NREP: variants seen among roughly 807,000 people sequenced by gnomAD.
The protein encoded by NREP is neuronal regeneration related protein, also known as neuronal regeneration-related protein.
In NREP, 5 loss-of-function variants were observed where a neutral mutation model predicts 8.6. That is an observed-to-expected ratio of 0.58 (90% confidence interval 0.30 to 1.22). NREP has a LOEUF of 1.22. NREP is among the 50% of genes most tolerant of loss of function. The probability of loss-of-function intolerance (pLI) is 0.07; values close to 1 mark genes in which losing one functional copy is unlikely to be tolerated. For missense variants in NREP, 86 were observed against 82.5 expected (o/e 1.04, Z -0.17); for synonymous variants, 27 against 28.0 (o/e 0.96, Z 0.11).
Position 111,964,855 on chromosome 5 carries a change from C to CAAAAAAAAAAAAAAAAAA in NREP, c.135+10401_135+10418dup, listed in dbSNP as rs58877839. Among the ~76,000 whole-genome samples the CAAAAAAAAAAAAAAAAAA allele has an allele frequency of 5.1e-4, 23 of 44,886 alleles. 4 individuals carry two copies. Among genetic ancestry groups the CAAAAAAAAAAAAAAAAAA allele is most frequent in the African/African-American group, 8.9e-4 (14 of 15,740 alleles). The allele number at this position is 44,886 out of a possible 152,430, so 29.4% of individuals were successfully genotyped here. A position where few individuals can be genotyped will look rare whatever the true frequency, so the allele number is the denominator to read the frequency against. On this transcript the variant is annotated intron_variant, in intron 2 of 3. Coordinates refer to the NREP transcript ENST00000395634. ...AGTCTACTTAGAATGCTTTCAGCAG[C>CAAAAAAAAAAAAAAAAAA]AAAAAAAAAAAAAAAAAAAAAAAAA... is the stretch of plus-strand genomic sequence containing the variant.
chr5:111,743,954 C>T (rs116725104), intron 2 of NREP, among the ~76,000 whole-genome samples: 8 of 152,060 alleles, frequency 5.3e-5, no homozygotes, highest in African/African-American at 1.7e-4. Context: ...TTCAAAAATA[C>T]GATTTCTTTT....
intron 2 of NREP, among the ~76,000 whole-genome samples, chr5:111,776,719 G>C (rs1199338883): frequency 6.6e-6 from 1 of 152,134 alleles, no homozygotes; most frequent in South Asian, 2.1e-4. Flanking sequence ...AGATACAAAT[G>C]TGGTTTCATT....
chr5:111,915,498 G>A (rs1755031954), intron 2 of NREP, among the ~76,000 whole-genome samples: 1 of 151,898 alleles, frequency 6.6e-6, no homozygotes. Flanking sequence ...GCATACTCTT[G>A]GAAACCGGAA....
intron 2 of NREP, among the ~76,000 whole-genome samples, chr5:111,933,356 G>T (rs115384606): frequency 4.1e-4 from 62 of 152,096 alleles, no homozygotes; most frequent in African/African-American, 1.5e-3. Context: ...CTGTCATTTA[G>T]GTATTTGTTA....
chr5:111,817,393 C>G (rs1463182832), intron 2 of NREP, among the ~76,000 whole-genome samples: 1 of 152,264 alleles, frequency 6.6e-6, no homozygotes, highest in East Asian at 1.9e-4. Flanking sequence ...AATTTTGATG[C>G]ATGCTGTAAG....
At chr5:111,929,179 CTT>C (rs1420369840) in intron 2 of NREP, among the ~76,000 whole-genome samples, 1 of 152,080 alleles carries the variant, frequency 6.6e-6, no homozygotes. Flanking sequence ...AGAAGCTTAA[CTT>C]TTTACGGGGC....
chr5:111,907,664 T>G (rs966615753), intron 2 of NREP, among the ~76,000 whole-genome samples: 3 of 152,106 alleles, frequency 2.0e-5, no homozygotes, highest in Non-Finnish European at 4.4e-5. Context: ...AACTTTTACT[T>G]CTATTTCTTA....
At chr5:111,759,755 T>G (rs1265856319), upstream of NREP, among the ~76,000 whole-genome samples, 3 of 152,192 alleles carry the variant, frequency 2.0e-5, no homozygotes, top group Admixed American at 1.3e-4. Flanking sequence ...TCATGCCATG[T>G]CACCTCACTC....
At chr5:111,746,404 C>T (rs1750008154) in intron 2 of NREP, among the ~76,000 whole-genome samples, 1 of 151,820 alleles carries the variant, frequency 6.6e-6, no homozygotes, top group Non-Finnish European at 1.5e-5. Context: ...ATATTTAGAC[C>T]CAAGACTCCA....
chr5:111,899,709 C>G (rs1754596947), intron 2 of NREP, among the ~76,000 whole-genome samples: 1 of 152,082 alleles, frequency 6.6e-6, no homozygotes. Context: ...CACTTTAACT[C>G]TAAAGACACA....
chr5:111,833,301 C>G (rs1189481944), intron 2 of NREP, among the ~76,000 whole-genome samples: 2 of 152,122 alleles, frequency 1.3e-5, no homozygotes, highest in African/African-American at 4.8e-5. Flanking sequence ...GGCAATTATT[C>G]CATGAGAAAA....
At position 111,880,540 on chromosome 5, in the gene NREP, G is replaced by A. The variant is rs547413744; in HGVS notation, c.135+94734C>T. ...GCATTTTTCTGGTTTCATTCCTTGT[G>A]TATCCAAATCTTCTCTTTTTATAAG... On this transcript the variant is annotated intron_variant, in intron 2 of 3. Transcript: ENST00000395634. Among the ~76,000 whole-genome samples the A allele has an allele frequency of 1.2e-3, 186 of 152,112 alleles. 1 individual carries two copies. The highest frequency in any genetic ancestry group is 2.1e-3 in the Non-Finnish European group (145 of 67,994).
upstream of NREP, among the ~76,000 whole-genome samples, chr5:111,761,635 T>C (rs139751002): frequency 4.8e-3 from 726 of 152,298 alleles, 4 homozygotes; most frequent in African/African-American, 0.017. Flanking sequence ...GCAGGATACA[T>C]TGTTGATCGC....
At chr5:111,918,701 A>G (rs776364590) in intron 2 of NREP, among the ~76,000 whole-genome samples, 6 of 152,300 alleles carry the variant, frequency 3.9e-5, no homozygotes, top group Middle Eastern at 3.4e-3. Flanking sequence ...ACCTTATACA[A>G]ACATTAACTC....
At chr5:111,833,040 C>T (rs1752811258) in intron 2 of NREP, among the ~76,000 whole-genome samples, 1 of 152,204 alleles carries the variant, frequency 6.6e-6, no homozygotes, top group South Asian at 2.1e-4. Flanking sequence ...ATTACTTCCC[C>T]AGGACTGTAC....
intron 2 of NREP, chr5:111,974,355 C>A (rs1190618987): frequency 6.6e-6 from 1 of 151,980 alleles, no homozygotes; most frequent in African/African-American, 2.4e-5. Flanking sequence ...GGGTAAAGCT[C>A]AAAAGACAAT....
chr5:111,958,230 A>C (rs1756379131), intron 2 of NREP, among the ~76,000 whole-genome samples: 1 of 151,892 alleles, frequency 6.6e-6, no homozygotes, highest in Non-Finnish European at 1.5e-5. Context: ...TTAAGAATTA[A>C]AACAGTTGAT....
At chr5:111,851,981 A>C (rs529063038) in intron 2 of NREP, among the ~76,000 whole-genome samples, 8 of 152,186 alleles carry the variant, frequency 5.3e-5, no homozygotes, top group Admixed American at 5.2e-4. Flanking sequence ...CCCTTCCAAA[A>C]TTCATGTTGA....
At chr5:111,738,778 C>G (rs1309736531) in intron 2 of NREP, 1 of 152,202 alleles carries the variant, frequency 6.6e-6, no homozygotes, top group Admixed American at 6.5e-5. Context: ...ACCAATACCT[C>G]AGAATGTGAT....
Sources: allele counts gnomAD v4.1 joint callset (sites outside exome capture counted in the v4.1 genomes callset), GRCh38; gene constraint gnomAD v4.1.1; transcripts MANE v1.5; gene names NCBI Gene and HGNC (gene_info 2026-07-23, HGNC 2026-07-21).